The following DHFR2 variants were observed in gnomAD, a reference collection of about 807,000 sequenced individuals.
DHFR2 encodes dihydrofolate reductase 2.
A neutral mutation model predicts 12.0 loss-of-function variants in DHFR2; 11 were observed. The observed-to-expected ratio is 0.92, with a 90% confidence interval of 0.58 to 1.52. The LOEUF (loss-of-function observed/expected upper bound fraction) is 1.52. Ranked by LOEUF, DHFR2 falls within the 40% of genes most tolerant of loss-of-function variation. DHFR2 has a pLI of 0.00. For synonymous variants in DHFR2, 87 were observed against 79.6 expected, an observed-to-expected ratio of 1.09 and a Z score of -0.49; for missense variants, 188 against 221.2, an observed-to-expected ratio of 0.85 and a Z score of 0.95.
upstream of DHFR2, chr3:94,063,076 T>C: frequency 6.2e-7 from 1 of 1,612,988 alleles, no homozygotes; most frequent in African/African-American, 1.3e-5. Flanking sequence ...CCTGGAGGCT[T>C]TTTGATACTG....
chr3:94,062,968 C>A (rs1260897617), upstream of DHFR2: 2 of 749,286 alleles, frequency 2.7e-6, no homozygotes, highest in East Asian at 2.6e-5. Flanking sequence ...AATTCTATAG[C>A]GCGAGCAAAT....
At position 94,058,722 on chromosome 3, in the gene DHFR2, GT is replaced by G. The variant is rs869127858; in HGVS notation, c.*2225del. On this transcript the variant is annotated 3_prime_UTR_variant, in exon 2 of 2. Coordinates refer to ENST00000314636, the MANE Select transcript of DHFR2 (RefSeq NM_176815.5). ...ATTGCCTAACCAACCCTTCCCCCTT[GT>G]TTTTTTTTGTTTTTTTTTTTTTTTA... 6 of 134,902 alleles carry G rather than the reference GT, an allele frequency of 4.4e-5. No individual in the cohort carries two copies. The highest frequency in any genetic ancestry group is 2.2e-4 in the East Asian group (1 of 4,574). The allele number at this position is 134,902 out of a possible 1,614,324, so 8.4% of individuals were successfully genotyped here.
rs2077171666 is a variant in DHFR2 at position 94,061,202 on chromosome 3, G to T, written c.310C>A (p.Pro104Thr). 1 of 1,613,952 alleles carries T rather than the reference G, an allele frequency of 6.2e-7. No homozygotes were observed. Among genetic ancestry groups the T allele is most frequent in the Non-Finnish European group, 8.5e-7 (1 of 1,179,866 alleles). The change falls in exon 2 of 2, where the codon CCA becomes ACA. Residue 104 changes from proline (P) to threonine (T), a missense_variant. Transcript: ENST00000314636. The stretch of plus-strand genomic sequence containing the variant: ...ATGTCTACTTTATTTGCTAATTCTG[G>T]TCGTTCAGTAAGTTTTAAGGCATCA... ...LDDALKLTER[P>T]ELANKVDMIW... is the part of the protein sequence containing the mutation.
At chr3:94,061,663 A>G in intron 1 of DHFR2, 57 bp from the exon 2 acceptor site, 1 of 1,089,560 alleles carries the variant, frequency 9.2e-7, no homozygotes, top group East Asian at 3.6e-5. Context: ...TGGAATGAAC[A>G]TAGAAAAATA....
chr3:94,062,279 T>C (rs192374633), intron 1 of DHFR2, among the ~76,000 whole-genome samples: 71 of 152,290 alleles, frequency 4.7e-4, no homozygotes, highest in African/African-American at 1.6e-3. Flanking sequence ...AAAATCACAA[T>C]GATCACAATA....
rs2107226233 is a variant in DHFR2, at chr3:94,060,918, G to GA, written c.*29dup. 6.2e-7 allele frequency: 1 copy of GA among 1,603,410 alleles called. No individual in the cohort carries two copies. Among genetic ancestry groups the GA allele is most frequent in the East Asian group, 2.2e-5 (1 of 44,782 alleles). On this transcript the variant is annotated 3_prime_UTR_variant, in exon 2 of 2. Transcript: ENST00000314636. ...TGCATACTTTTCTCAGAGGGAGGGG[G>GA]AACAACTTAAACCAGAAAACACCTT...
upstream of DHFR2, chr3:94,063,154 C>G: frequency 6.2e-7 from 1 of 1,613,604 alleles, no homozygotes; most frequent in Non-Finnish European, 8.5e-7. Flanking sequence ...ACCTGGGGCC[C>G]GGCTGGGTAC....
rs1490627663 is a variant in DHFR2 at position 94,060,581 on chromosome 3, G to T, written c.*367C>A. 2 of 215,778 alleles carry T rather than the reference G, an allele frequency of 9.3e-6. No individual in the cohort carries two copies. Among genetic ancestry groups the T allele is most frequent in the Admixed American group, 1.0e-4 (2 of 19,298 alleles). 13.4% of individuals were successfully genotyped at this position (215,778 alleles called of 1,614,324 possible). ...CTGGATATACATGTACGAAGCTTTTGGTATTTCCTACTAGTGAAACTGCTC... is the reference window on the plus strand; with the variant it reads ...CTGGATATACATGTACGAAGCTTTTTGTATTTCCTACTAGTGAAACTGCTC... On this transcript the variant is annotated 3_prime_UTR_variant, in exon 2 of 2. Transcript: ENST00000314636.
Position 94,061,147 on chromosome 3 carries a change from T to C in DHFR2, c.365A>G (p.Tyr122Cys). 1 of 1,613,956 alleles carries C rather than the reference T, an allele frequency of 6.2e-7. No homozygotes were observed. The highest frequency in any genetic ancestry group is 1.1e-5 in the South Asian group (1 of 91,072). The change falls in exon 2 of 2, where the codon TAT becomes TGT. Residue 122 changes from tyrosine to cysteine, a missense_variant. Transcript: ENST00000314636. The part of the protein sequence containing the change: ...MIWIVGGSSV[Y>C]KEAMNHLGHL... ...GCCTAGGTGATTCATGGCTTCCTTA[T>C]AAACAGAACTGCCACCAACTATCCA...
Position 94,058,262 on chromosome 3 carries a change from G to T in DHFR2, c.*2686C>A, listed in dbSNP as rs539608400. 1 of 151,946 alleles carries T rather than the reference G, an allele frequency of 6.6e-6. No homozygotes were observed. The highest frequency in any genetic ancestry group is 6.6e-5 in the Admixed American group (1 of 15,256). The allele number at this position is 151,946 out of a possible 1,614,324, so 9.4% of individuals were successfully genotyped here. ...TTTTCCTTCTGGTAGTTACCTCCAT[G>T]GGTTTTAAAAAATTACTATTTTTTT... On this transcript the variant is annotated 3_prime_UTR_variant, in exon 2 of 2. Transcript: ENST00000314636.
At chr3:94,061,992 T>A (rs1461280908) in intron 1 of DHFR2, among the ~76,000 whole-genome samples, 1 of 152,196 alleles carries the variant, frequency 6.6e-6, no homozygotes, top group Non-Finnish European at 1.5e-5. Context: ...AGCATGTACG[T>A]ATATTGATAT....
At chr3:94,061,668 AAAAT>A (rs1448436981) in intron 1 of DHFR2, 62 bp from the exon 2 acceptor site, 4 of 985,916 alleles carry the variant, frequency 4.1e-6, no homozygotes, top group African/African-American at 3.4e-5. Context: ...TGAACATAGA[AAAAT>A]AAATTATATA....
At chr3:94,062,704 G>A (rs1466866386) in intron 1 of DHFR2, 42 bp downstream of exon 1, 1 of 239,046 alleles carries the variant, frequency 4.2e-6, no homozygotes, top group East Asian at 9.4e-5. Flanking sequence ...CGCGATCACG[G>A]GTCACTGCAA....
At chr3:94,063,158 T>A, upstream of DHFR2, 1 of 1,613,760 alleles carries the variant, frequency 6.2e-7, no homozygotes, top group South Asian at 1.1e-5. Context: ...GGGGCCCGGC[T>A]GGGTACCTCT....
rs765245461 is a variant in DHFR2 at position 94,061,293 on chromosome 3, A to G, written c.219T>C (p.Asn73=). 6.2e-7 allele frequency: 1 copy of G among 1,614,030 alleles called. No homozygotes were observed. The highest frequency in any genetic ancestry group is 8.5e-7 in the Non-Finnish European group (1 of 1,179,882). The change falls in exon 2 of 2, where the codon AAT becomes AAC. Residue 73 remains asparagine, a synonymous_variant. Coordinates refer to ENST00000314636, the MANE Select transcript of DHFR2 (RefSeq NM_176815.5). ...CCTTGAGTTCTCTGCTGAGAACTAA[A>G]TTAATTCTATCCTTTAAAGGTCGAT... ...EKNRPLKDRI[N]LVLSRELKEP...
upstream of DHFR2, chr3:94,063,030 C>A: frequency 7.3e-7 from 1 of 1,361,108 alleles, no homozygotes; most frequent in Non-Finnish European, 1.0e-6. Flanking sequence ...AGTGGATGCC[C>A]GCGAATCCCG....
rs2077182765 is a variant in DHFR2 at position 94,062,736 on chromosome 3, A to C, written c.-96+10T>G. The C allele has an allele frequency of 3.8e-6, 1 of 264,670 alleles. No homozygotes were observed. The highest frequency in any genetic ancestry group is 7.5e-6 in the Non-Finnish European group (1 of 133,766). 16.4% of individuals were successfully genotyped at this position (264,670 alleles called of 1,614,324 possible). A position where few individuals can be genotyped will look rare whatever the true frequency, so the allele number is the denominator to read the frequency against. On this transcript the variant is annotated intron_variant, in intron 1 of 1. Transcript: ENST00000314636. ...GCAACCTCAAACTTCTGCCCAAGCG[A>C]TCCTCCCACCTCAGCATCCGCAGAA...
At chr3:94,061,721 AAAATAT>A (rs2077176500) in intron 1 of DHFR2, 115 bp from the exon 2 acceptor site, 1 of 685,312 alleles carries the variant, frequency 1.5e-6, no homozygotes, top group African/African-American at 2.0e-5. Context: ...AAATATTTAT[AAAATAT>A]AAATTTATAA....
upstream of DHFR2, chr3:94,063,228 G>C: frequency 1.6e-6 from 2 of 1,269,014 alleles, no homozygotes; most frequent in South Asian, 2.4e-5. Context: ...TGGGATGGGG[G>C]AACATCACCT....
Sources: gnomAD v4.1 joint callset for allele counts (sites outside exome capture counted in the v4.1 genomes callset) on GRCh38, gnomAD v4.1.1 for gene constraint, MANE v1.5 for transcripts, NCBI Gene and HGNC (gene_info 2026-07-23, HGNC 2026-07-21) for gene names.